The following LUZP2 variants were observed in gnomAD, a reference collection of about 807,000 sequenced individuals.
LUZP2 encodes the protein leucine zipper protein 2.
Under a neutral mutation model 51.6 loss-of-function variants are expected in LUZP2, and 52 were observed. The observed-to-expected ratio is 1.01, with a 90% confidence interval of 0.81 to 1.27. LUZP2 has a LOEUF of 1.27. Among genes scored for constraint, LUZP2 ranks in the 50% most tolerant of loss-of-function variants. LUZP2 has a pLI of 0.00. For missense variants in LUZP2, 436 were observed against 395.4 expected (o/e 1.10, Z -0.87); for synonymous variants, 154 against 137.3 (o/e 1.12, Z -0.85).
chr11:24,715,538 A>G (rs1338611234), intron 1 of LUZP2, among the ~76,000 whole-genome samples: 1 of 152,118 alleles, frequency 6.6e-6, no homozygotes, highest in African/African-American at 2.4e-5. Context: ...CAACACTTTC[A>G]CATCTACATT....
chr11:24,663,097 A>G (rs1191827882), intron 1 of LUZP2, among the ~76,000 whole-genome samples: 1 of 152,136 alleles, frequency 6.6e-6, no homozygotes, highest in Non-Finnish European at 1.5e-5. Context: ...CCATCTACCT[A>G]AGCATATATT....
At chr11:24,543,368 T>G (rs534979990) in intron 1 of LUZP2, among the ~76,000 whole-genome samples, 2 of 152,184 alleles carry the variant, frequency 1.3e-5, no homozygotes, top group East Asian at 3.9e-4. Flanking sequence ...GCAATTTTAT[T>G]TTATTCTCAG....
At chr11:24,741,973 C>A (rs34122699) in intron 4 of LUZP2, among the ~76,000 whole-genome samples, 15 of 31,566 alleles carry the variant, frequency 4.8e-4, no homozygotes, top group Admixed American at 6.7e-4. Context: ...TAAATATATA[C>A]ATTTATATAT....
intron 1 of LUZP2, among the ~76,000 whole-genome samples, chr11:24,509,777 T>C (rs1431097586): frequency 6.6e-6 from 1 of 151,994 alleles, no homozygotes; most frequent in African/African-American, 2.4e-5. Flanking sequence ...GGTAACACAC[T>C]ATCATTAGCT....
intron 1 of LUZP2, among the ~76,000 whole-genome samples, chr11:24,551,909 T>C (rs967948243): frequency 6.6e-6 from 1 of 151,942 alleles, no homozygotes; most frequent in South Asian, 2.1e-4. Flanking sequence ...CCCATACCCA[T>C]TAAACATACA....
At chr11:25,051,899 A>C (rs1431661819) in intron 10 of LUZP2, among the ~76,000 whole-genome samples, 1 of 152,166 alleles carries the variant, frequency 6.6e-6, no homozygotes, top group African/African-American at 2.4e-5. Flanking sequence ...GCCTCCTTCA[A>C]ATCATAAATT....
At chr11:24,911,423 G>A (rs1853630160) in intron 6 of LUZP2, among the ~76,000 whole-genome samples, 1 of 152,272 alleles carries the variant, frequency 6.6e-6, no homozygotes, top group South Asian at 2.1e-4. Context: ...TTTCAAAGGA[G>A]GGTCCTGGTG....
At chr11:24,881,915 GTTTA>G (rs72385246) in intron 5 of LUZP2, among the ~76,000 whole-genome samples, 73,442 of 151,092 alleles carry the variant, frequency 0.49, 18,277 homozygotes, top group East Asian at 0.69. Context: ...TATTTAATGT[GTTTA>G]TTTGTTTTAT....
rs180736099 is a variant in LUZP2 at position 24,743,327 on chromosome 11, G to A, written c.333+5025G>A. On this transcript the variant is annotated intron_variant, in intron 4 of 11. Transcript: ENST00000336930. Reference sequence around the variant, plus strand: ...TGATTCTACCCATCCATGAGCATGAGATATGTTTCCATTTGTTTGTGTCAT... The same window carrying A: ...TGATTCTACCCATCCATGAGCATGAAATATGTTTCCATTTGTTTGTGTCAT... Among the ~76,000 whole-genome samples the A allele has an allele frequency of 7.2e-5, 11 of 152,148 alleles. No homozygotes were observed. In the East Asian group the frequency reaches 2.1e-3, roughly 29 times the overall value.
rs61229028 is a variant in LUZP2 at position 24,814,991 on chromosome 11, CA to C, written c.396+51698del. On this transcript the variant is annotated intron_variant, in intron 5 of 11. Transcript: ENST00000336930. ...TGGGCGACAGAGTGAGACTCCGTCT[CA>C]AAAAAAAAAAAAAATAAAAATAATC... Among the ~76,000 whole-genome samples the C allele has an allele frequency of 1.2e-3, 93 of 80,120 alleles. 1 individual carries two copies. The highest frequency in any genetic ancestry group is 4.3e-3 in the African/African-American group (77 of 17,832). 52.6% of individuals were successfully genotyped at this position (80,120 alleles called of 152,430 possible). A position where few individuals can be genotyped will look rare whatever the true frequency, so the allele number is the denominator to read the frequency against.
At chr11:24,755,274 G>A (rs1352610399) in intron 4 of LUZP2, among the ~76,000 whole-genome samples, 1 of 152,114 alleles carries the variant, frequency 6.6e-6, no homozygotes, top group Non-Finnish European at 1.5e-5. Flanking sequence ...TTCGCACTTC[G>A]CATTCTGCTA....
At chr11:24,521,223 G>A (rs1850629365) in intron 1 of LUZP2, among the ~76,000 whole-genome samples, 1 of 151,646 alleles carries the variant, frequency 6.6e-6, no homozygotes, top group East Asian at 1.9e-4. Flanking sequence ...TGGTGGCGTG[G>A]GCCTGTAATC....
intron 4 of LUZP2, among the ~76,000 whole-genome samples, chr11:24,745,513 A>G (rs372469974): frequency 1.8e-4 from 27 of 152,282 alleles, no homozygotes; most frequent in African/African-American, 6.3e-4. Flanking sequence ...TTTGTCTTAT[A>G]TAAGAATAGC....
At chr11:24,544,407 A>G (rs895208961) in intron 1 of LUZP2, among the ~76,000 whole-genome samples, 16 of 152,046 alleles carry the variant, frequency 1.1e-4, no homozygotes, top group Admixed American at 3.3e-4. Context: ...CCTAGTGCCC[A>G]TTAGTTATTT....
At chr11:24,710,088 C>T (rs1246654995) in intron 1 of LUZP2, among the ~76,000 whole-genome samples, 2 of 152,060 alleles carry the variant, frequency 1.3e-5, no homozygotes, top group African/African-American at 4.8e-5. Context: ...ACCAGACCCA[C>T]TTAACATTTT....
At chr11:24,557,501 G>A (rs538530382) in intron 1 of LUZP2, among the ~76,000 whole-genome samples, 10 of 152,124 alleles carry the variant, frequency 6.6e-5, no homozygotes, top group African/African-American at 2.4e-4. Context: ...CAAATAGAAG[G>A]CATAAATGAG....
intron 7 of LUZP2, among the ~76,000 whole-genome samples, chr11:24,939,690 A>G (rs2133847295): frequency 6.6e-6 from 1 of 152,324 alleles, no homozygotes; most frequent in South Asian, 2.1e-4. Flanking sequence ...ACTTGCTGAA[A>G]TATGTGGTAT....
intron 1 of LUZP2, among the ~76,000 whole-genome samples, chr11:24,606,981 T>C (rs902174250): frequency 3.9e-5 from 6 of 152,058 alleles, no homozygotes; most frequent in African/African-American, 1.2e-4. Flanking sequence ...TTAATCATTC[T>C]TTACTTGGTT....
chr11:25,078,330 GT>G (rs1479575161), intron 11 of LUZP2, among the ~76,000 whole-genome samples: 1 of 152,132 alleles, frequency 6.6e-6, no homozygotes, highest in Non-Finnish European at 1.5e-5. Context: ...TTTCAAAATA[GT>G]TTTTGAAATG....
Sources: allele counts gnomAD v4.1 joint callset (sites outside exome capture counted in the v4.1 genomes callset), GRCh38; gene constraint gnomAD v4.1.1; transcripts MANE v1.5; gene names NCBI Gene and HGNC (gene_info 2026-07-23, HGNC 2026-07-21).